The following ZMYND8 variants were observed in gnomAD, a reference collection of about 807,000 sequenced individuals.
The protein encoded by ZMYND8 is MYND-type zinc finger-containing chromatin reader ZMYND8.
In ZMYND8, 37 loss-of-function variants were observed where a neutral mutation model predicts 140.8. The observed-to-expected ratio is 0.26, with a 90% CI of 0.20 to 0.35. The LOEUF is 0.35. Among genes scored for constraint, ZMYND8 ranks in the 10% least tolerant of loss-of-function variants. ZMYND8 has a pLI of 1.00. For missense variants in ZMYND8, 1,068 were observed against 1,570.0 expected (o/e 0.68, Z 5.40); for synonymous variants, 592 against 597.1 (o/e 0.99, Z 0.12).
rs755649444 is a variant in ZMYND8, at chr20:47,305,082, T to TA, written c.234+4973dup. Among the ~76,000 whole-genome samples the TA allele has an allele frequency of 7.7e-3, 1,122 of 144,878 alleles. 8 individuals carry two copies. Among genetic ancestry groups the TA allele is most frequent in the African/African-American group, 0.02 (790 of 39,710 alleles). The stretch of plus-strand genomic sequence containing the variant: ...GCAAGACCCTATCTCTACAAAAAGT[T>TA]AAAAAAAAAAAATTAGCCAGGCATG... On this transcript the variant is annotated intron_variant, in intron 3 of 22. Transcript: ENST00000471951.
chr20:47,284,095 G>T (rs1333715215), intron 8 of ZMYND8, among the ~76,000 whole-genome samples: 3 of 152,076 alleles, frequency 2.0e-5, no homozygotes, highest in Non-Finnish European at 2.9e-5. Flanking sequence ...GCTAATTTTT[G>T]TATTTTTAGT....
chr20:47,228,198 A>C (rs1398844767), intron 17 of ZMYND8, among the ~76,000 whole-genome samples: 2 of 152,182 alleles, frequency 1.3e-5, no homozygotes, highest in Non-Finnish European at 2.9e-5. Flanking sequence ...TGTCATGAGA[A>C]TGTCTGGAGT....
chr20:47,313,888 G>A (rs186799063), intron 2 of ZMYND8, among the ~76,000 whole-genome samples: 32 of 152,046 alleles, frequency 2.1e-4, no homozygotes, highest in South Asian at 1.0e-3. Flanking sequence ...AGCTGAGATC[G>A]CACGACTGCA....
At chr20:47,264,001 G>A (rs150507539) in intron 11 of ZMYND8, among the ~76,000 whole-genome samples, 1 of 152,252 alleles carries the variant, frequency 6.6e-6, no homozygotes, top group Non-Finnish European at 1.5e-5. Context: ...AGGAGAGTGG[G>A]GGGTTGCTAC....
chr20:47,264,843 T>C (rs2075394334), intron 11 of ZMYND8, among the ~76,000 whole-genome samples: 1 of 152,038 alleles, frequency 6.6e-6, no homozygotes, highest in Admixed American at 6.6e-5. Flanking sequence ...GAGACCAGCC[T>C]GGGTAACATG....
At chr20:47,216,495 C>CAAAAAAAAAAAAA (rs10536216) in intron 21 of ZMYND8, among the ~76,000 whole-genome samples, 20 of 59,456 alleles carry the variant, frequency 3.4e-4, no homozygotes, top group African/African-American at 1.2e-3. Context: ...GACTCTGTCT[C>CAAAAAAAAAAAAA]AAAAAAAAAA....
At chr20:47,248,363 C>T (rs2147311853) in intron 13 of ZMYND8, among the ~76,000 whole-genome samples, 1 of 152,328 alleles carries the variant, frequency 6.6e-6, no homozygotes, top group Admixed American at 6.5e-5. Flanking sequence ...TTCACCCATG[C>T]CACCCAATGT....
intron 4 of ZMYND8, among the ~76,000 whole-genome samples, chr20:47,297,313 G>A (rs2077704780): frequency 1.3e-5 from 2 of 152,112 alleles, no homozygotes; most frequent in South Asian, 4.1e-4. Flanking sequence ...ACAAAAGTAT[G>A]ACAGACACTG....
intron 4 of ZMYND8, among the ~76,000 whole-genome samples, chr20:47,297,716 C>A (rs1218223293): frequency 1.3e-5 from 2 of 152,158 alleles, no homozygotes; most frequent in Non-Finnish European, 2.9e-5. Context: ...TGAGCCACCA[C>A]GCTCAGCCTC....
At chr20:47,238,583 G>A (rs775936270) in intron 15 of ZMYND8, 175 bp downstream of exon 15, 3 of 1,250,900 alleles carry the variant, frequency 2.4e-6, no homozygotes, top group South Asian at 2.8e-5. Flanking sequence ...AAAAAAGCAA[G>A]TAGCAAAACA....
rs769458159 is a variant in ZMYND8 at position 47,236,317 on chromosome 20, T to C, written c.2856+9A>G. The stretch of plus-strand genomic sequence containing the variant: ...TGCCATCTCCACGGTAGCTCTCCCA[T>C]CCACTCACTTTGCTAGTGTACTTGG... On this transcript the variant is annotated intron_variant, in intron 16 of 22. Transcript: ENST00000471951. The C allele has an allele frequency of 1.2e-6, 2 of 1,614,188 alleles. No homozygotes were observed. Among genetic ancestry groups the C allele is most frequent in the Non-Finnish European group, 1.7e-6 (2 of 1,180,024 alleles).
intron 2 of ZMYND8, among the ~76,000 whole-genome samples, chr20:47,311,262 C>G (rs1284217479): frequency 6.6e-6 from 1 of 152,178 alleles, no homozygotes; most frequent in Non-Finnish European, 1.5e-5. Flanking sequence ...TCTCACCAGC[C>G]CCACTCTTGT....
chr20:47,309,430 C>T (rs750389487), intron 3 of ZMYND8, among the ~76,000 whole-genome samples: 3 of 152,150 alleles, frequency 2.0e-5, no homozygotes, highest in African/African-American at 4.8e-5. Context: ...CTCGGCCTCC[C>T]GAGTAGCTGG....
rs2074744899 is a variant in ZMYND8, at chr20:47,256,561, A to T, written c.1621+5727T>A. On this transcript the variant is annotated intron_variant, in intron 12 of 22. Transcript: ENST00000471951. ...TGTGAACCCAGGAGGCGGAGCTTAC[A>T]GTGAGCCGAGATCGCGCCACTGCAC... is the stretch of plus-strand genomic sequence containing the variant. Among the ~76,000 whole-genome samples, 3 of 152,224 alleles carry T rather than the reference A, an allele frequency of 2.0e-5. No individual in the cohort carries two copies. The South Asian group carries it at 6.2e-4, about 31-fold the overall frequency.
At position 47,291,772 on chromosome 20, in the gene ZMYND8, T is replaced by C. The variant is rs558295987; in HGVS notation, c.660+24A>G. Reference sequence around the variant, plus strand: ...GCATCTCAACTGTGGGCTAGAATGGTGAGGTTCTTTGACGGAGGCCAACCT... The same window carrying C: ...GCATCTCAACTGTGGGCTAGAATGGCGAGGTTCTTTGACGGAGGCCAACCT... On this transcript the variant is annotated intron_variant, in intron 6 of 22. Coordinates refer to ENST00000471951, the MANE Select transcript of ZMYND8 (RefSeq NM_001281775.3). 2.2e-5 allele frequency: 35 copies of C among 1,598,014 alleles called. No homozygotes were observed. The South Asian group carries it at 3.4e-4, about 15-fold the overall frequency.
chr20:47,233,224 T>TTA (rs987760113), intron 16 of ZMYND8, among the ~76,000 whole-genome samples: 13 of 150,056 alleles, frequency 8.7e-5, no homozygotes, highest in Admixed American at 2.7e-4. Flanking sequence ...TTTTTTTTTT[T>TTA]TTGAGACAGG....
rs1383744394 is a variant in ZMYND8 at position 47,212,691 on chromosome 20, G to A, written c.3519C>T (p.Ala1173=). The A allele has an allele frequency of 6.2e-7, 1 of 1,613,494 alleles. No homozygotes were observed. The highest frequency in any genetic ancestry group is 1.1e-5 in the South Asian group (1 of 91,042). ...SKRCDKQPAY[A]PTTTDHQPHP... The stretch of plus-strand genomic sequence containing the variant: ...GCGGCTGGTGGTCTGTGGTGGTTGG[G>A]GCATAGGCAGGTTGCTTGTCACACC... The change falls in exon 22 of 23, where the codon GCC becomes GCT. Residue 1173 remains alanine (A), a synonymous_variant. Transcript: ENST00000471951.
At chr20:47,327,780 T>A (rs575265419) in intron 2 of ZMYND8, among the ~76,000 whole-genome samples, 130 of 152,348 alleles carry the variant, frequency 8.5e-4, no homozygotes, top group African/African-American at 2.9e-3. Flanking sequence ...TCCATTATTC[T>A]TAACTTTCAG....
intron 2 of ZMYND8, among the ~76,000 whole-genome samples, chr20:47,335,348 C>T (rs2081309017): frequency 6.6e-6 from 1 of 151,790 alleles, no homozygotes; most frequent in Admixed American, 6.6e-5. Flanking sequence ...CTCTAGGTTC[C>T]CAGGAAAGCC....
Sources: gnomAD v4.1 joint callset for allele counts (sites outside exome capture counted in the v4.1 genomes callset) on GRCh38, gnomAD v4.1.1 for gene constraint, MANE v1.5 for transcripts, NCBI Gene and HGNC (gene_info 2026-07-23, HGNC 2026-07-21) for gene names.